The following DYNC2I1 variants were observed in gnomAD, a reference collection of about 807,000 sequenced individuals.
DYNC2I1 encodes the protein dynein 2 intermediate chain 1.
A neutral mutation model predicts 133.4 loss-of-function variants in DYNC2I1; 89 were observed. That is an observed-to-expected ratio of 0.67 (90% CI 0.56 to 0.80). The LOEUF (loss-of-function observed/expected upper bound fraction) is 0.80, where lower values mean the gene tolerates loss of function less well. Ranked by LOEUF, DYNC2I1 falls within the 30% of genes least tolerant of loss-of-function variation. The pLI, the probability that DYNC2I1 is intolerant of heterozygous loss-of-function variation, is 0.00. For missense variants in DYNC2I1, 1,291 were observed against 1,314.5 expected (o/e 0.98, Z 0.28); for synonymous variants, 504 against 484.3 (o/e 1.04, Z -0.54).
chr7:158,883,217 T>C, intron 5 of DYNC2I1, among the ~76,000 whole-genome samples: 1 of 148,330 alleles, frequency 6.7e-6, no homozygotes, highest in Non-Finnish European at 1.5e-5. Flanking sequence ...TTTTTCTTCT[T>C]CTTTTTTTTT....
At chr7:158,855,093 C>G (rs937086477), upstream of DYNC2I1, among the ~76,000 whole-genome samples, 1 of 152,198 alleles carries the variant, frequency 6.6e-6, no homozygotes, top group Non-Finnish European at 1.5e-5. Flanking sequence ...CAGAGCCTAT[C>G]GAGATGGGGG....
rs1010746551 is a variant in DYNC2I1, at chr7:158,859,703, G to A, written c.15+2953G>A. Among the ~76,000 whole-genome samples the A allele has an allele frequency of 7.2e-5, 11 of 152,110 alleles. No individual in the cohort carries two copies. The South Asian group carries it at 2.1e-3, about 29-fold the overall frequency. On this transcript the variant is annotated intron_variant, in intron 1 of 24. Transcript: ENST00000407559. ...TTTTTAGCAGAGACGGGATTTCATC[G>A]TGTTGTCCAGGCTGGTCTTGATCCG...
At chr7:158,957,458 A>G (rs1466991900), downstream of DYNC2I1, among the ~76,000 whole-genome samples, 1 of 152,218 alleles carries the variant, frequency 6.6e-6, no homozygotes, top group African/African-American at 2.4e-5. Flanking sequence ...AAATTAACCA[A>G]AAAACCTACC....
intron 15 of DYNC2I1, among the ~76,000 whole-genome samples, chr7:158,920,120 T>C (rs1340575046): frequency 1.3e-5 from 2 of 148,436 alleles, no homozygotes; most frequent in Non-Finnish European, 3.0e-5. Flanking sequence ...AGTGTGTGTG[T>C]GTACCACAGC....
At chr7:158,946,975 A>G (rs1413656313), downstream of DYNC2I1, among the ~76,000 whole-genome samples, 1 of 152,148 alleles carries the variant, frequency 6.6e-6, no homozygotes. Flanking sequence ...GCAGGGCTGC[A>G]CGTCTCGCGT....
chr7:158,918,844 G>T lies in DYNC2I1; in HGVS notation c.1896G>T (p.Leu632=). The T allele has an allele frequency of 6.2e-7, 1 of 1,613,722 alleles. No individual in the cohort carries two copies. The highest frequency in any genetic ancestry group is 1.1e-5 in the South Asian group (1 of 91,070). The stretch of plus-strand genomic sequence containing the variant: ...ATTTTAGTGACAGCTCATCTCAGCT[G>T]AACACCAGTCTACCATTCCTTCAAA... The part of the protein sequence containing the change: ...ALYFSDSSSQ[L]NTSLPFLQNR... Residue 632 remains leucine, a synonymous_variant, in exon 15 of 25, where the codon CTG becomes CTT. Transcript: ENST00000407559.
At chr7:158,848,448 C>T in the DYNC2I1 span, among the ~76,000 whole-genome samples, 1 of 152,164 alleles carries the variant, frequency 6.6e-6, no homozygotes, top group Non-Finnish European at 1.5e-5. Flanking sequence ...CCCCATGAGT[C>T]TTACTGATGC....
Position 158,879,876 on chromosome 7 carries a change from CAT to C in DYNC2I1, c.768_769del (p.His256GlnfsTer12). 1.9e-6 allele frequency: 3 copies of C among 1,613,098 alleles called. No individual in the cohort carries two copies. Among genetic ancestry groups the C allele is most frequent in the Non-Finnish European group, 1.7e-6 (2 of 1,179,514 alleles). The stretch of plus-strand genomic sequence containing the variant: ...ATTCTCTGACAAAGGGGAAGAAAGA[CAT>C]AAAGAAAAGCGACACAAAGAAGGTT... ...NSFSDKGEER[H>X]KEKRHKEGFH... On this transcript the variant is annotated frameshift_variant, in exon 5 of 25. Transcript: ENST00000407559. LOFTEE classifies it high-confidence loss of function.
At chr7:158,930,595 A>T (rs560882979) in intron 21 of DYNC2I1, 80 bp downstream of exon 21, 1 of 1,173,836 alleles carries the variant, frequency 8.5e-7, no homozygotes, top group Non-Finnish European at 1.2e-6. Flanking sequence ...ATATACGGTA[A>T]ATGGTGAGCT....
At chr7:158,943,609 T>TA (rs1851589738) in intron 24 of DYNC2I1, among the ~76,000 whole-genome samples, 1 of 152,186 alleles carries the variant, frequency 6.6e-6, no homozygotes, top group African/African-American at 2.4e-5. Flanking sequence ...AGGTGGGCTG[T>TA]GCTGCTGTGG....
intron 1 of DYNC2I1, among the ~76,000 whole-genome samples, chr7:158,859,037 C>T (rs556846525): frequency 1.5e-5 from 2 of 134,366 alleles, no homozygotes; most frequent in Non-Finnish European, 3.1e-5. Context: ...GCTCTTTCAC[C>T]CAAGTTGGAG....
intron 7 of DYNC2I1, 95 bp from the exon 8 acceptor site, chr7:158,891,170 G>A (rs1033693632): frequency 2.0e-5 from 28 of 1,367,630 alleles, no homozygotes; most frequent in Middle Eastern, 4.4e-4. Context: ...GAGGGCTGGC[G>A]GGCTCCGCAG....
chr7:158,893,276 G>C (rs1456713956), intron 8 of DYNC2I1, among the ~76,000 whole-genome samples: 1 of 152,116 alleles, frequency 6.6e-6, no homozygotes, highest in Non-Finnish European at 1.5e-5. Context: ...CACTGATCTT[G>C]TCTGTGTCTG....
intron 11 of DYNC2I1, among the ~76,000 whole-genome samples, chr7:158,910,620 C>T (rs781321952): frequency 1.7e-3 from 170 of 101,932 alleles, no homozygotes; most frequent in Middle Eastern, 9.8e-3. Context: ...GCCGAGGGCA[C>T]TTGGCTGTGT....
chr7:158,921,008 C>T (rs2129486396), intron 15 of DYNC2I1, among the ~76,000 whole-genome samples: 1 of 152,288 alleles, frequency 6.6e-6, no homozygotes, highest in Middle Eastern at 3.4e-3. Flanking sequence ...GTGCTATGCC[C>T]TGGGCACTGT....
chr7:158,922,776 G>A lies in DYNC2I1; in HGVS notation c.2094+227G>A, dbSNP rs968410128. Among the ~76,000 whole-genome samples the A allele has an allele frequency of 1.2e-4, 18 of 152,200 alleles. 1 individual carries two copies. The highest frequency in any genetic ancestry group is 4.3e-4 in the African/African-American group (18 of 41,436). ...ATGAGCAAACGAGAATTTTCACAGA[G>A]CAGCCCTTTGGGTCAGCTGAGAATT... On this transcript the variant is annotated intron_variant, in intron 16 of 24. Transcript: ENST00000407559.
At chr7:158,868,761 G>T (rs1440710400) in intron 1 of DYNC2I1, among the ~76,000 whole-genome samples, 2 of 152,236 alleles carry the variant, frequency 1.3e-5, no homozygotes, top group African/African-American at 4.8e-5. Flanking sequence ...TGTCGTTTCT[G>T]TTCCTGATTT....
downstream of DYNC2I1, among the ~76,000 whole-genome samples, chr7:158,946,873 C>G (rs1210519337): frequency 6.6e-6 from 1 of 152,188 alleles, no homozygotes; most frequent in Non-Finnish European, 1.5e-5. Context: ...GGCACAAGAT[C>G]ACCTCCGCTT....
intron 16 of DYNC2I1, 57 bp downstream of exon 16, chr7:158,922,606 G>T: frequency 6.5e-7 from 1 of 1,545,568 alleles, no homozygotes; most frequent in Non-Finnish European, 8.8e-7. Context: ...TGGACAGAGC[G>T]TGAAGGTGCA....
Sources: allele counts gnomAD v4.1 joint callset (sites outside exome capture counted in the v4.1 genomes callset), GRCh38; gene constraint gnomAD v4.1.1; transcripts MANE v1.5; gene names NCBI Gene and HGNC (gene_info 2026-07-23, HGNC 2026-07-21).